WNK3: variants seen among roughly 807,000 people sequenced by gnomAD.
WNK3 encodes serine/threonine-protein kinase WNK3.
In WNK3, 18 loss-of-function variants were observed where a neutral mutation model predicts 116.7. The ratio of observed to expected loss-of-function variants is 0.15; its 90% CI spans 0.11 to 0.23. WNK3 has a LOEUF of 0.23. WNK3 is among the 10% of genes least tolerant of loss of function. The pLI is 1.00. For synonymous variants in WNK3, 404 were observed against 469.4 expected, an observed-to-expected ratio of 0.86 and a Z score of 1.80; for missense variants, 993 against 1,323.8, an observed-to-expected ratio of 0.75 and a Z score of 3.88.
At chrX:54,353,619 C>T (rs1243675997) in intron 1 of WNK3, among the ~76,000 whole-genome samples, 1 of 106,141 alleles carries the variant, frequency 9.4e-6, no homozygotes, top group Non-Finnish European at 1.9e-5. Context: ...TAGTGGCGGG[C>T]ACCTGTTATT....
exon 11 of WNK3, chrX:54,259,306 T>C (rs1557156217): frequency 3.3e-6 from 4 of 1,198,124 alleles, no homozygotes; most frequent in Middle Eastern, 4.6e-4. Context: ...GAAGAGCTGC[T>C]TGTTGTTCAG....
At chrX:54,358,514 A>T (rs2147375298), upstream of WNK3, 1 of 109,379 alleles carries the variant, frequency 9.1e-6, no homozygotes, top group Non-Finnish European at 1.9e-5. Context: ...CCTTTTTCCA[A>T]CTCCCGGGAT....
At chrX:54,224,391 A>T (rs1234093429) in intron 22 of WNK3, among the ~76,000 whole-genome samples, 1 of 109,613 alleles carries the variant, frequency 9.1e-6, no homozygotes, top group Non-Finnish European at 1.9e-5. Context: ...AGCTGGGTTA[A>T]ATGTAGACTG....
At chrX:54,299,035 T>C (rs2068728159) in intron 6 of WNK3, among the ~76,000 whole-genome samples, 1 of 111,993 alleles carries the variant, frequency 8.9e-6, no homozygotes, top group Non-Finnish European at 1.9e-5. Context: ...GATACAACCC[T>C]AGCCTAGTAT....
rs782061058 is a variant in WNK3 at position 54,256,142 on chromosome X, G to A, written c.2103-255C>T. ...AAAGCTGAAAAATCAAGGTCACACTGTATTTATTTAGCATTTAGCAAACCA... is the reference window on the plus strand; with the variant it reads ...AAAGCTGAAAAATCAAGGTCACACTATATTTATTTAGCATTTAGCAAACCA... On this transcript the variant is annotated intron_variant, in intron 11 of 23. Transcript: ENST00000354646. 3.6e-5 allele frequency among the ~76,000 whole-genome samples: 4 copies of A among 111,661 alleles called. No individual in the cohort carries two copies. In the South Asian group the frequency reaches 1.5e-3, roughly 41 times the overall value.
At chrX:54,298,672 T>A (rs1412846489) in intron 6 of WNK3, among the ~76,000 whole-genome samples, 2 of 111,577 alleles carry the variant, frequency 1.8e-5, no homozygotes, top group African/African-American at 6.5e-5. Flanking sequence ...TTCTTACAAG[T>A]AATACATCTA....
At chrX:54,342,641 A>G (rs1420382571) in intron 1 of WNK3, among the ~76,000 whole-genome samples, 1 of 110,199 alleles carries the variant, frequency 9.1e-6, no homozygotes, top group Non-Finnish European at 1.9e-5. Context: ...GCCTTTTAAA[A>G]ACTATACTTA....
At chrX:54,251,781 T>C (rs1053119103) in intron 13 of WNK3, 94 bp from the exon 14 acceptor site, 8 of 911,779 alleles carry the variant, frequency 8.8e-6, no homozygotes, top group Non-Finnish European at 1.2e-5. Flanking sequence ...AGAAAGAAAA[T>C]TGGGCCAGGC....
At chrX:54,333,457 C>T (rs187828471) in exon 2 of WNK3, 18 of 1,209,449 alleles carry the variant, frequency 1.5e-5, no homozygotes, top group African/African-American at 3.5e-5. Flanking sequence ...GGGGATGATT[C>T]GGCAACTTTG....
intron 10 of WNK3, among the ~76,000 whole-genome samples, chrX:54,282,800 T>C (rs957972627): frequency 2.7e-5 from 3 of 111,645 alleles, no homozygotes; most frequent in African/African-American, 9.8e-5. Flanking sequence ...TACCTCAAAC[T>C]ATATACAACA....
intron 22 of WNK3, chrX:54,223,174 TATG>T (rs781928019): frequency 3.2e-4 from 35 of 110,148 alleles, no homozygotes; most frequent in Non-Finnish European, 6.1e-4. Context: ...TTTAACTATA[TATG>T]ATAACAATAA....
At chrX:54,197,177 A>G (rs1254079276) in exon 24 of WNK3, 1 of 111,776 alleles carries the variant, frequency 8.9e-6, no homozygotes, top group East Asian at 2.8e-4. Context: ...ATTCCCCCCA[A>G]ACGAGATTCA....
intron 12 of WNK3, 144 bp downstream of exon 12, chrX:54,255,596 T>G (rs2068183312): frequency 4.4e-6 from 2 of 449,610 alleles, no homozygotes; most frequent in South Asian, 1.8e-4. Flanking sequence ...CACATAATAC[T>G]CACATTGGAA....
chrX:54,218,650 A>G (rs916656384), intron 22 of WNK3, among the ~76,000 whole-genome samples: 7 of 109,868 alleles, frequency 6.4e-5, no homozygotes, highest in African/African-American at 2.3e-4. Flanking sequence ...ATGGGAGGCC[A>G]AGGCAGGCAG....
intron 1 of WNK3, among the ~76,000 whole-genome samples, chrX:54,345,282 ATATGTATGTATGTATG>A (rs572331448): frequency 0.011 from 1,087 of 100,914 alleles, 12 homozygotes; most frequent in African/African-American, 0.037. Flanking sequence ...AACTATATAT[ATATGTATGTATGTATG>A]TATGTATGTA....
At chrX:54,311,393 G>T in intron 2 of WNK3, 102 bp from the exon 3 acceptor site, 1 of 601,819 alleles carries the variant, frequency 1.7e-6, no homozygotes, top group Non-Finnish European at 2.6e-6. Flanking sequence ...GCATGGATGT[G>T]TATATTTATT....
chrX:54,215,088 GC>G (rs1557144723), intron 22 of WNK3, among the ~76,000 whole-genome samples: 1 of 90,148 alleles, frequency 1.1e-5, no homozygotes, highest in Non-Finnish European at 2.1e-5. Flanking sequence ...GTGCACTGCA[GC>G]CTGGGAGACA....
In WNK3 at chrX:54,294,517, A is replaced by C. The variant is rs189562475; in HGVS notation, c.1693+36T>G. The C allele has an allele frequency of 1.9e-5, 20 of 1,050,389 alleles. No homozygotes were observed. In the Admixed American group the frequency reaches 2.5e-4, roughly 13 times the overall value. The allele number at this position is 1,050,389 out of a possible 1,213,427, so 86.6% of individuals were successfully genotyped here. ...AATAAAGATTAGAGAATATAATTGC[A>C]CATGCGTTTGCTTTTACAAGCTGTA... On this transcript the variant is annotated intron_variant, in intron 8 of 23. Transcript: ENST00000354646.
chrX:54,311,745 C>T (rs2068889411), intron 2 of WNK3, among the ~76,000 whole-genome samples: 1 of 111,587 alleles, frequency 9.0e-6, no homozygotes, highest in Non-Finnish European at 1.9e-5. Context: ...GGTTTCCATA[C>T]AGAAATATTA....
Sources: allele counts gnomAD v4.1 joint callset (sites outside exome capture counted in the v4.1 genomes callset), GRCh38; gene constraint gnomAD v4.1.1; transcripts MANE v1.5; gene names NCBI Gene and HGNC (gene_info 2026-07-23, HGNC 2026-07-21).